Variants in NHSL1 observed in about 807,000 individuals in gnomAD.
NHSL1 encodes NHS-like protein 1.
NHSL1 carries 48 observed loss-of-function variants against 95.0 expected under a neutral mutation model. That is an observed-to-expected ratio of 0.51 (90% CI 0.40 to 0.64). The LOEUF is 0.64. Ranked by LOEUF, NHSL1 falls within the 30% of genes least tolerant of loss-of-function variation. NHSL1 has a pLI of 0.00. For synonymous variants in NHSL1, 783 were observed against 833.9 expected, an observed-to-expected ratio of 0.94 and a Z score of 1.05; for missense variants, 1,971 against 2,077.7, an observed-to-expected ratio of 0.95 and a Z score of 1.00.
intron 1 of NHSL1, among the ~76,000 whole-genome samples, chr6:138,567,997 T>C (rs945897799): frequency 3.9e-5 from 6 of 152,144 alleles, no homozygotes; most frequent in Admixed American, 1.3e-4. Context: ...ACACCCCATA[T>C]GATTCCACCT....
At chr6:138,588,413 G>T (rs764318672) in intron 1 of NHSL1, among the ~76,000 whole-genome samples, 1 of 152,206 alleles carries the variant, frequency 6.6e-6, no homozygotes, top group Non-Finnish European at 1.5e-5. Flanking sequence ...AGTGAGCCGA[G>T]ATCACGCTAT....
chr6:138,427,880 T>A (rs139527662), intron 7 of NHSL1, among the ~76,000 whole-genome samples: 11 of 152,226 alleles, frequency 7.2e-5, no homozygotes, highest in Non-Finnish European at 1.3e-4. Flanking sequence ...TTCTCAACGC[T>A]ACAACAGAAA....
intron 1 of NHSL1, among the ~76,000 whole-genome samples, chr6:138,665,395 G>A (rs12526374): frequency 6.6e-6 from 1 of 152,166 alleles, no homozygotes; most frequent in Non-Finnish European, 1.5e-5. Context: ...AAAATTGTCG[G>A]ACAAAACCAG....
At chr6:138,437,889 T>C (rs111541978) in intron 5 of NHSL1, among the ~76,000 whole-genome samples, 1,982 of 152,280 alleles carry the variant, frequency 0.013, 39 homozygotes, top group African/African-American at 0.045. Flanking sequence ...TTGCTGCAAT[T>C]TCATGATCAA....
At chr6:138,611,745 CAAAATAAAAATA>C (rs752998849) in intron 1 of NHSL1, among the ~76,000 whole-genome samples, 4 of 150,356 alleles carry the variant, frequency 2.7e-5, no homozygotes, top group East Asian at 2.0e-4. Flanking sequence ...GACTCCAACA[CAAAATAAAAATA>C]AAAATAAAAA....
At chr6:138,613,935 T>C (rs563737988) in intron 1 of NHSL1, among the ~76,000 whole-genome samples, 17 of 152,166 alleles carry the variant, frequency 1.1e-4, no homozygotes, top group Non-Finnish European at 1.8e-4. Context: ...GCAAGGTTCC[T>C]ATCTCTAGGG....
chr6:138,641,568 A>G (rs1784959512), intron 1 of NHSL1, among the ~76,000 whole-genome samples: 2 of 146,516 alleles, frequency 1.4e-5, no homozygotes, highest in Non-Finnish European at 3.0e-5. Context: ...GGTTGCAGTG[A>G]GCTGAGATCG....
In NHSL1 at chr6:138,430,037, TTGTTAAA is replaced by T. The variant is rs1775527890; in HGVS notation, c.3953-201_3953-195del. Among the ~76,000 whole-genome samples the T allele has an allele frequency of 6.6e-6, 1 of 152,174 alleles. No individual in the cohort carries two copies. The highest frequency in any genetic ancestry group is 1.5e-5 in the Non-Finnish European group (1 of 68,024). ...TAGCCTGAGAGCCAGAGCTCATTCT[TTGTTAAA>T]GTATGGAACGCCCATGGCATCTCTC... On this transcript the variant is annotated intron_variant, in intron 6 of 7. Coordinates refer to ENST00000343505, the MANE Select transcript of NHSL1 (RefSeq NM_001144060.2). This position sits in a 1 kb window ranked among gnomAD's most constrained non-coding sequence, Gnocchi z 4.7.
chr6:138,638,161 A>T (rs1784913127), intron 1 of NHSL1, among the ~76,000 whole-genome samples: 2 of 152,180 alleles, frequency 1.3e-5, no homozygotes, highest in South Asian at 4.1e-4. Flanking sequence ...TAAAAATTAA[A>T]ACAATTGAAT....
chr6:138,438,869 G>A (rs895754921), intron 5 of NHSL1, among the ~76,000 whole-genome samples: 3 of 151,968 alleles, frequency 2.0e-5, no homozygotes, highest in African/African-American at 7.3e-5. Flanking sequence ...GATAAGTTCA[G>A]TAGCCAAGTG....
rs73568716 is a variant in NHSL1, at chr6:138,661,824, T to C, written c.96+30652A>G. ...GCTCATGCCTATTATCCCAGCACTT[T>C]GAGAGGCTGAGGTGGGAAGACTGCT... On this transcript the variant is annotated intron_variant, in intron 1 of 3. Transcript: ENST00000491526. 8.6e-3 allele frequency among the ~76,000 whole-genome samples: 1,305 copies of C among 152,236 alleles called. 17 individuals carry two copies. Among genetic ancestry groups the C allele is most frequent in the African/African-American group, 0.029 (1,194 of 41,532 alleles).
chr6:138,629,701 A>G (rs1337750504), intron 1 of NHSL1, among the ~76,000 whole-genome samples: 1 of 152,150 alleles, frequency 6.6e-6, no homozygotes, highest in Non-Finnish European at 1.5e-5. Flanking sequence ...GTATTTCTTA[A>G]AGAGAAGCAA....
At chr6:138,608,828 C>T (rs774134559) in intron 1 of NHSL1, among the ~76,000 whole-genome samples, 25 of 152,166 alleles carry the variant, frequency 1.6e-4, no homozygotes, top group Non-Finnish European at 1.0e-4. Context: ...AGATTGAGAC[C>T]ATCCCTCCCT....
At chr6:138,511,083 A>T (rs1172279746) in intron 1 of NHSL1, among the ~76,000 whole-genome samples, 2 of 152,202 alleles carry the variant, frequency 1.3e-5, no homozygotes, top group African/African-American at 4.8e-5. Context: ...CGATAATGCT[A>T]ATTCTAGGTA....
In NHSL1 at chr6:138,626,638, AAT is replaced by A. The variant is rs1384869636; in HGVS notation, c.96+65836_96+65837del. Among the ~76,000 whole-genome samples the A allele has an allele frequency of 8.3e-5, 11 of 133,144 alleles. 2 individuals are homozygous for A. Among genetic ancestry groups the A allele is most frequent in the Admixed American group, 1.5e-4 (2 of 13,690 alleles). 87.3% of individuals were successfully genotyped at this position (133,144 alleles called of 152,430 possible). Reference sequence around the variant, plus strand: ...GCCGGGCGCGGTGGCTCACGCCTGTAATCCCAGCACTTTGGGAGGCCGAGGCG... The same window carrying A: ...GCCGGGCGCGGTGGCTCACGCCTGTACCCAGCACTTTGGGAGGCCGAGGCG... On this transcript the variant is annotated intron_variant, in intron 1 of 3. Coordinates refer to the NHSL1 transcript ENST00000491526.
intron 1 of NHSL1, among the ~76,000 whole-genome samples, chr6:138,521,843 A>T (rs1320001535): frequency 6.6e-6 from 1 of 152,140 alleles, no homozygotes; most frequent in Non-Finnish European, 1.5e-5. Context: ...AAAACTTTAA[A>T]ATTAGCCTAT....
intron 3 of NHSL1, among the ~76,000 whole-genome samples, chr6:138,453,650 G>A (rs1777386063): frequency 6.6e-6 from 1 of 151,892 alleles, no homozygotes; most frequent in African/African-American, 2.4e-5. Context: ...GGGTTCAAGC[G>A]ATCCTCCCAC....
chr6:138,533,543 C>T (rs575911422), intron 1 of NHSL1, among the ~76,000 whole-genome samples: 5 of 151,946 alleles, frequency 3.3e-5, no homozygotes, highest in South Asian at 2.1e-4. Context: ...AGCAAAACTC[C>T]GTCTCAAAAA....
chr6:138,651,041 A>G, intron 1 of NHSL1: 1 of 399,052 alleles, frequency 2.5e-6, no homozygotes, highest in South Asian at 1.9e-5. Flanking sequence ...AAGTTCTTCT[A>G]AATTACCTCG....
Sources: allele counts gnomAD v4.1 joint callset (sites outside exome capture counted in the v4.1 genomes callset), GRCh38; gene constraint gnomAD v4.1.1; non-coding constraint Gnocchi (gnomAD v3.1); transcripts MANE v1.5; gene names NCBI Gene and HGNC (gene_info 2026-07-23, HGNC 2026-07-21).